The following ST6GALNAC4 variants were observed in gnomAD, a reference collection of about 807,000 sequenced individuals.
ST6GALNAC4 encodes the protein ST6 N-acetylgalactosaminide alpha-2,6-sialyltransferase 4.
A neutral mutation model predicts 30.4 loss-of-function variants in ST6GALNAC4; 24 were observed. The observed-to-expected ratio is 0.79, with a 90% CI of 0.57 to 1.11. The LOEUF (loss-of-function observed/expected upper bound fraction) is 1.11. Ranked by LOEUF, ST6GALNAC4 falls within the 50% of genes most tolerant of loss-of-function variation. The probability of loss-of-function intolerance (pLI) is 0.00; values close to 1 mark genes in which losing one functional copy is unlikely to be tolerated. For missense variants in ST6GALNAC4, 365 were observed against 430.1 expected, an observed-to-expected ratio of 0.85 and a Z score of 1.34; for synonymous variants, 156 against 179.7, an observed-to-expected ratio of 0.87 and a Z score of 1.05.
chr9:127,914,506 A>AAAAG, intron 3 of ST6GALNAC4, 150 bp downstream of exon 3: 1 of 450,114 alleles, frequency 2.2e-6, no homozygotes, highest in Non-Finnish European at 3.7e-6. Context: ...AAAAAAAAAA[A>AAAAG]AAAAAAAAAA....
intron 5 of ST6GALNAC4, 143 bp downstream of exon 5, chr9:127,909,808 C>T (rs757495196): frequency 2.4e-5 from 19 of 776,090 alleles, no homozygotes; most frequent in Middle Eastern, 2.4e-4. Flanking sequence ...AGGCCCAGAG[C>T]GCAAGGGGTA....
At chr9:127,910,800 C>A (rs1831059430) in intron 4 of ST6GALNAC4, among the ~76,000 whole-genome samples, 1 of 152,192 alleles carries the variant, frequency 6.6e-6, no homozygotes. Flanking sequence ...TGCTAACATT[C>A]CACGGAAGCA....
In ST6GALNAC4 at chr9:127,908,373, A is replaced by G. The variant is rs1043012; in HGVS notation, c.*19T>C. On this transcript the variant is annotated 3_prime_UTR_variant, in exon 6 of 6. Transcript: ENST00000335791. ...CCGGAGGCCTCGCAACGGCATGGCG[A>G]CTGGCAGGACGACGGAAGCTACTCA... is the stretch of plus-strand genomic sequence containing the variant. 1,489,680 of 1,506,352 alleles carry G rather than the reference A, an allele frequency of 0.99. 737,908 individuals carry two copies. Among genetic ancestry groups the G allele is most frequent in the Non-Finnish European group, 1 (1,115,711 of 1,116,576 alleles). The allele number at this position is 1,506,352 out of a possible 1,614,324, so 93.3% of individuals were successfully genotyped here.
Position 127,910,188 on chromosome 9 carries a change from G to A in ST6GALNAC4, c.612-130C>T, listed in dbSNP as rs1284309684. On this transcript the variant is annotated intron_variant, in intron 4 of 5. Transcript: ENST00000335791. ...CAACCTCTTGCGGGGGGCTCTGGGG[G>A]AGGCTGGGGAGGGGACAGAGCCAGC... 6.9e-6 allele frequency: 10 copies of A among 1,444,240 alleles called. 1 individual carries two copies. Among genetic ancestry groups the A allele is most frequent in the African/African-American group, 5.7e-5 (4 of 70,688 alleles). The allele number at this position is 1,444,240 out of a possible 1,614,324, so 89.5% of individuals were successfully genotyped here. A position where few individuals can be genotyped will look rare whatever the true frequency, so the allele number is the denominator to read the frequency against.
rs57656987 is a variant in ST6GALNAC4 at position 127,914,833 on chromosome 9, G to C, written c.21C>G (p.Leu7=). 6.7e-7 allele frequency: 1 copy of C among 1,503,648 alleles called. No homozygotes were observed. The highest frequency in any genetic ancestry group is 8.9e-7 in the Non-Finnish European group (1 of 1,120,096). The allele number at this position is 1,503,648 out of a possible 1,614,324, so 93.1% of individuals were successfully genotyped here. ...CCACGGAGCACAGGATGATGAGCACGAGCCGACCCTGAGGGAGACAGTGGC... is the reference window on the plus strand; with the variant it reads ...CCACGGAGCACAGGATGATGAGCACCAGCCGACCCTGAGGGAGACAGTGGC... MKAPGR[L]VLIILCSVVF... is the part of the protein sequence containing the mutation. Residue 7 remains leucine (L), a synonymous_variant, in exon 3 of 6, where the codon CTC becomes CTG. Coordinates refer to ENST00000335791, the MANE Select transcript of ST6GALNAC4 (RefSeq NM_175039.4).
intron 1 of ST6GALNAC4, 44 bp from the exon 2 acceptor site, chr9:127,916,538 T>G (rs1588679328): frequency 7.9e-7 from 1 of 1,263,710 alleles, no homozygotes; most frequent in South Asian, 1.2e-5. Context: ...GTAAGGCAGG[T>G]GGGGTTCTAA....
intron 4 of ST6GALNAC4, 92 bp from the exon 5 acceptor site, chr9:127,910,150 G>C: frequency 6.6e-7 from 1 of 1,525,320 alleles, no homozygotes; most frequent in Admixed American, 2.0e-5. Flanking sequence ...TGCCAGCCCG[G>C]GGCTATGCAC....
chr9:127,909,162 A>G (rs893757891), intron 5 of ST6GALNAC4, among the ~76,000 whole-genome samples: 1 of 152,080 alleles, frequency 6.6e-6, no homozygotes, highest in Non-Finnish European at 1.5e-5. Flanking sequence ...CCAAGGCGGG[A>G]GGATCACCTG....
At chr9:127,909,311 C>T (rs548254398) in intron 5 of ST6GALNAC4, among the ~76,000 whole-genome samples, 184 of 151,654 alleles carry the variant, frequency 1.2e-3, no homozygotes, top group African/African-American at 4.3e-3. Flanking sequence ...ATCGCTTGAA[C>T]CCGGGAGGTG....
chr9:127,914,562 A>T (rs1484224278), intron 3 of ST6GALNAC4, 94 bp downstream of exon 3: 1 of 1,072,020 alleles, frequency 9.3e-7, no homozygotes. Flanking sequence ...CCAGGATCAC[A>T]TGGCTGGTGA....
chr9:127,914,713 C>T lies in ST6GALNAC4; in HGVS notation c.141G>A (p.Arg47=), dbSNP rs771335304. The T allele has an allele frequency of 5.6e-6, 9 of 1,611,616 alleles. No individual in the cohort carries two copies. The East Asian group carries it at 1.8e-4, about 32-fold the overall frequency. The stretch of plus-strand genomic sequence containing the variant: ...AGTGCAGGGGTCCCGGCACAGTGGG[C>T]CTGGAGCCTGTGGGGAAGTGGTGGT... The part of the protein sequence containing the change: ...CLDHHFPTGS[R]PTVPGPLHFS... Residue 47 remains arginine, a synonymous_variant, in exon 3 of 6, where the codon AGG becomes AGA. Coordinates refer to ENST00000335791, the MANE Select transcript of ST6GALNAC4 (RefSeq NM_175039.4).
chr9:127,908,642 G>C (rs1338131951), intron 5 of ST6GALNAC4, 61 bp from the exon 6 acceptor site: 1 of 1,437,322 alleles, frequency 7.0e-7, no homozygotes, highest in African/African-American at 1.4e-5. Context: ...GCCACACCCT[G>C]CCGCCTACCT....
Position 127,908,573 on chromosome 9 carries a change from C to T in ST6GALNAC4, c.728G>A (p.Ser243Asn). The change falls in exon 6 of 6, where the codon AGC (serine) becomes AAC (asparagine). Residue 243 changes from serine (S) to asparagine (N), a missense_variant. Coordinates refer to ENST00000335791, the MANE Select transcript of ST6GALNAC4 (RefSeq NM_175039.4). ...MVSDSYCREKSHPSVPYHYFE... is the reference protein window; with the variant it reads ...MVSDSYCREKNHPSVPYHYFE... ...GTAGTGGTAAGGCACTGAGGGGTGG[C>T]TCTTCTCCCTGCGGGGTGGGGAACA... is the stretch of plus-strand genomic sequence containing the variant. 6.4e-7 allele frequency: 1 copy of T among 1,573,904 alleles called. No homozygotes were observed. Among genetic ancestry groups the T allele is most frequent in the South Asian group, 1.1e-5 (1 of 87,504 alleles).
In ST6GALNAC4 at chr9:127,908,577, T is replaced by A. The variant is rs1295060017; in HGVS notation, c.724A>T (p.Lys242Ter). Residue 242 changes from lysine (K) to a stop codon, truncating the protein, a stop_gained, in exon 6 of 6, where the codon AAG (lysine) becomes TAG (stop). Transcript: ENST00000335791. LOFTEE classifies it high-confidence loss of function. ...TGGTAAGGCACTGAGGGGTGGCTCTTCTCCCTGCGGGGTGGGGAACAGGGC... is the reference window on the plus strand; with the variant it reads ...TGGTAAGGCACTGAGGGGTGGCTCTACTCCCTGCGGGGTGGGGAACAGGGC... Reference protein sequence around the residue: ...GMVSDSYCREKSHPSVPYHYF... With the variant: ...GMVSDSYCRE The A allele has an allele frequency of 6.4e-7, 1 of 1,567,336 alleles. No individual in the cohort carries two copies. Among genetic ancestry groups the A allele is most frequent in the Non-Finnish European group, 8.7e-7 (1 of 1,146,752 alleles).
rs745379372 is a variant in ST6GALNAC4, at chr9:127,912,451, G to A, written c.428C>T (p.Ala143Val). Residue 143 changes from alanine (A) to valine (V), a missense_variant, in exon 4 of 6, where the codon GCC becomes GTC. Physicochemically the swap from Ala to Val is moderately conservative, Grantham distance 64. Transcript: ENST00000335791. ...LRNYSHYFQK[A>V]RDTLYMVWGQ... ...CCACACCATGTAGAGCGTGTCTCGG[G>A]CCTTCTGGAAGTAGTGTGAATAGTT... The A allele has an allele frequency of 6.2e-7, 1 of 1,614,114 alleles. No individual in the cohort carries two copies. The highest frequency in any genetic ancestry group is 8.5e-7 in the Non-Finnish European group (1 of 1,180,000).
Position 127,908,512 on chromosome 9 carries a change from G to A in ST6GALNAC4, c.789C>T (p.Tyr263=), listed in dbSNP as rs1460745038. 3 of 1,609,662 alleles carry A rather than the reference G, an allele frequency of 1.9e-6. No homozygotes were observed. The highest frequency in any genetic ancestry group is 2.5e-6 in the Non-Finnish European group (3 of 1,176,792). Residue 263 remains tyrosine, a synonymous_variant, in exon 6 of 6, where the codon TAC becomes TAT. Coordinates refer to ENST00000335791, the MANE Select transcript of ST6GALNAC4 (RefSeq NM_175039.4). ...EKGRLDECQM[Y]LAHEQAPRSA... is the part of the protein sequence containing the mutation. ...TTCGGGGCGCCTGCTCGTGTGCCAGGTACATCTGACACTCATCTAGCCGGC... is the reference window on the plus strand; with the variant it reads ...TTCGGGGCGCCTGCTCGTGTGCCAGATACATCTGACACTCATCTAGCCGGC...
chr9:127,915,104 G>A (rs1487074970), intron 2 of ST6GALNAC4, among the ~76,000 whole-genome samples: 3 of 152,108 alleles, frequency 2.0e-5, no homozygotes, highest in Non-Finnish European at 2.9e-5. Flanking sequence ...GTAGTACAAG[G>A]CCATACAGCA....
chr9:127,912,420 C>T lies in ST6GALNAC4; in HGVS notation c.459G>A (p.Gln153=). The change falls in exon 4 of 6, where the codon CAG becomes CAA. Residue 153 remains glutamine, a synonymous_variant. Coordinates refer to ENST00000335791, the MANE Select transcript of ST6GALNAC4 (RefSeq NM_175039.4). ...ARDTLYMVWG[Q]GRHMDRVLGG... ...CGAGCACCCGGTCCATGTGCCTGCCCTGGCCCCACACCATGTAGAGCGTGT... is the reference window on the plus strand; with the variant it reads ...CGAGCACCCGGTCCATGTGCCTGCCTTGGCCCCACACCATGTAGAGCGTGT... The T allele has an allele frequency of 6.2e-7, 1 of 1,614,158 alleles. No individual in the cohort carries two copies. The highest frequency in any genetic ancestry group is 8.5e-7 in the Non-Finnish European group (1 of 1,180,016).
At chr9:127,916,564 G>T (rs905562203) in intron 1 of ST6GALNAC4, 70 bp from the exon 2 acceptor site, 2 of 906,468 alleles carry the variant, frequency 2.2e-6, no homozygotes, top group East Asian at 4.9e-5. Flanking sequence ...AGGGAAAACT[G>T]AGGCAGGAGA....
Sources: gnomAD v4.1 joint callset for allele counts (sites outside exome capture counted in the v4.1 genomes callset) on GRCh38, gnomAD v4.1.1 for gene constraint, MANE v1.5 for transcripts, NCBI Gene and HGNC (gene_info 2026-07-23, HGNC 2026-07-21) for gene names.